CGGBP1: variants seen among roughly 807,000 people sequenced by gnomAD.
CGGBP1 encodes CGG triplet repeat binding protein 1.
A neutral mutation model predicts 11.4 loss-of-function variants in CGGBP1; 4 were observed. The ratio of observed to expected loss-of-function variants is 0.35; its 90% confidence interval spans 0.17 to 0.80. The LOEUF (loss-of-function observed/expected upper bound fraction) is 0.80, where lower values mean the gene tolerates loss of function less well. Among genes scored for constraint, CGGBP1 ranks in the 30% least tolerant of loss-of-function variants. The probability of loss-of-function intolerance (pLI) is 0.52; values close to 1 mark genes in which losing one functional copy is unlikely to be tolerated. For missense variants in CGGBP1, 135 were observed against 202.1 expected (o/e 0.67, Z 2.01); for synonymous variants, 76 against 74.1 (o/e 1.03, Z -0.13).
At chr3:88,145,753 G>A (rs1707301522) in intron 1 of CGGBP1, among the ~76,000 whole-genome samples, 1 of 152,140 alleles carries the variant, frequency 6.6e-6, no homozygotes, top group Non-Finnish European at 1.5e-5. Context: ...AAAGTTTCAT[G>A]CCTTATTGAT....
intron 2 of CGGBP1, among the ~76,000 whole-genome samples, chr3:88,102,167 T>C (rs1352595150): frequency 6.6e-6 from 1 of 152,158 alleles, no homozygotes; most frequent in Non-Finnish European, 1.5e-5. Flanking sequence ...GTAATGTGTT[T>C]TGTGTAGTTT....
chr3:88,070,582 TTTTTTTTG>T (rs1707455816), intron 2 of CGGBP1, among the ~76,000 whole-genome samples: 1 of 59,504 alleles, frequency 1.7e-5, no homozygotes, highest in African/African-American at 3.9e-5. Context: ...TTTTTTTTTT[TTTTTTTTG>T]CAGATCATAT....
chr3:88,112,702 C>T lies in CGGBP1; in HGVS notation c.-229+28268G>A, dbSNP rs565019698. 6.6e-5 allele frequency among the ~76,000 whole-genome samples: 10 copies of T among 151,942 alleles called. No individual in the cohort carries two copies. In the East Asian group the frequency reaches 1.9e-3, roughly 29 times the overall value. On this transcript the variant is annotated intron_variant, in intron 2 of 3. Coordinates refer to the CGGBP1 transcript ENST00000462901. ...GTTTTTGTGTTAATTTTATTCAACT[C>T]TTGTATCACCCTGAAAAAAATGAGA...
Position 88,055,604 on chromosome 3 carries a change from C to T in CGGBP1, c.373G>A (p.Ala125Thr), listed in dbSNP as rs375999163. ...TGGCGAGATAGGAAAGCACGGACTG[C>T]TGGGTGATCAGCCTTCTCAAGTGGG... ...NIPLEKADHP[A>T]VRAFLSRHVK... The change falls in exon 4 of 4, where the codon GCA becomes ACA. Residue 125 changes from alanine to threonine, a missense_variant. Physicochemically the swap from Ala to Thr is moderately conservative, Grantham distance 58. Transcript: ENST00000482016. The surrounding 1 kb of genome is among the most constrained non-coding windows in gnomAD (Gnocchi z 4.2). 11 of 1,613,964 alleles carry T rather than the reference C, an allele frequency of 6.8e-6. No individual in the cohort carries two copies. Among genetic ancestry groups the T allele is most frequent in the African/African-American group, 1.3e-5 (1 of 74,924 alleles).
At chr3:88,064,876 T>C (rs559922423) in intron 2 of CGGBP1, among the ~76,000 whole-genome samples, 1 of 152,352 alleles carries the variant, frequency 6.6e-6, no homozygotes, top group African/African-American at 2.4e-5. Context: ...AATAATAATA[T>C]GAAAGATGAA....
rs1333116142 is a variant in CGGBP1 at position 88,113,754 on chromosome 3, C to G, written c.-229+27216G>C. 1.3e-5 allele frequency among the ~76,000 whole-genome samples: 2 copies of G among 152,030 alleles called. 1 individual carries two copies. Among genetic ancestry groups the G allele is most frequent in the Non-Finnish European group, 2.9e-5 (2 of 68,018 alleles). ...ACTCGGTGAAGTAAAGGAAGATGTA[C>G]TTTGAGCTCCCCCTAGGGGTGAAGT... On this transcript the variant is annotated intron_variant, in intron 2 of 3. Transcript: ENST00000462901.
intron 2 of CGGBP1, among the ~76,000 whole-genome samples, chr3:88,119,448 C>T (rs9838907): frequency 0.79 from 103,669 of 130,724 alleles, 42,110 homozygotes; most frequent in South Asian, 0.92. Context: ...TGCTAGATGA[C>T]GAGTTAGTGG....
At chr3:88,113,301 G>T in intron 2 of CGGBP1, 1 of 613,120 alleles carries the variant, frequency 1.6e-6, no homozygotes, top group Non-Finnish European at 2.7e-6. Context: ...AGTTTTTAAT[G>T]ATTGCTAAGG....
chr3:88,108,633 A>G (rs903095331), intron 2 of CGGBP1, among the ~76,000 whole-genome samples: 13 of 152,154 alleles, frequency 8.5e-5, no homozygotes, highest in Non-Finnish European at 1.9e-4. Flanking sequence ...TGTATACGCT[A>G]CCTGCCCATT....
In CGGBP1 at chr3:88,125,784, G is replaced by A. The variant is rs1442650747; in HGVS notation, c.-229+15186C>T. 2.0e-5 allele frequency among the ~76,000 whole-genome samples: 3 copies of A among 152,106 alleles called. No individual in the cohort carries two copies. The East Asian group carries it at 5.8e-4, about 29-fold the overall frequency. ...TCTTATCAGGCTCTTGCCTGCCATT[G>A]TTAAGAGAAATTTTATGAACCTTTA... On this transcript the variant is annotated intron_variant, in intron 2 of 3. Coordinates refer to the CGGBP1 transcript ENST00000462901.
rs546515287 is a variant in CGGBP1 at position 88,124,783 on chromosome 3, T to C, written c.-229+16187A>G. On this transcript the variant is annotated intron_variant, in intron 2 of 3. Coordinates refer to the CGGBP1 transcript ENST00000462901. ...ATGTACAATACTCAGTTTTTTTTTT[T>C]TCAACATTGCCAGTTTCTACATCTA... 2.6e-5 allele frequency among the ~76,000 whole-genome samples: 4 copies of C among 151,102 alleles called. No homozygotes were observed. In the East Asian group the frequency reaches 7.7e-4, roughly 29 times the overall value.
At chr3:88,065,952 C>T (rs1576185260) in intron 2 of CGGBP1, among the ~76,000 whole-genome samples, 1 of 152,304 alleles carries the variant, frequency 6.6e-6, no homozygotes, top group South Asian at 2.1e-4. Context: ...GCAGGCTGGT[C>T]TTAACTCCTG....
intron 2 of CGGBP1, among the ~76,000 whole-genome samples, chr3:88,090,460 A>T (rs1389298442): frequency 1.3e-5 from 2 of 152,192 alleles, no homozygotes; most frequent in African/African-American, 4.8e-5. Context: ...ATATTTTTAT[A>T]CAGCTGTACA....
In CGGBP1 at chr3:88,091,876, A is replaced by AT. The variant is rs554888660; in HGVS notation, c.-228-33654_-228-33653insA. 4.7e-4 allele frequency among the ~76,000 whole-genome samples: 72 copies of AT among 152,222 alleles called. 2 individuals are homozygous for AT. The East Asian group carries it at 7.5e-3, about 16-fold the overall frequency. On this transcript the variant is annotated intron_variant, in intron 2 of 3. Transcript: ENST00000462901. ...GCCATGTAGAACTGTGAGTCCATTAAACCTCTTTTTCTTCATAAATGACCC... is the reference window on the plus strand; with the variant it reads ...GCCATGTAGAACTGTGAGTCCATTAATACCTCTTTTTCTTCATAAATGACCC...
chr3:88,075,950 T>A (rs1707779393), intron 2 of CGGBP1, among the ~76,000 whole-genome samples: 2 of 152,168 alleles, frequency 1.3e-5, no homozygotes, highest in South Asian at 4.1e-4. Flanking sequence ...CCTCTTAACT[T>A]TGTTTCTCTT....
rs555321113 is a variant in CGGBP1 at position 88,079,761 on chromosome 3, T to C, written c.-228-21538A>G. Among the ~76,000 whole-genome samples the C allele has an allele frequency of 3.9e-5, 6 of 152,194 alleles. No individual in the cohort carries two copies. The East Asian group carries it at 9.6e-4, about 24-fold the overall frequency. On this transcript the variant is annotated intron_variant, in intron 2 of 3. Coordinates refer to the CGGBP1 transcript ENST00000462901. ...TCCATTTTGAAAAGATTCTGTCTTA[T>C]TACATTTACAGAACCTATCAAATAC...
chr3:88,101,487 T>C (rs1002583519), intron 2 of CGGBP1, among the ~76,000 whole-genome samples: 2 of 152,204 alleles, frequency 1.3e-5, no homozygotes, highest in African/African-American at 4.8e-5. Context: ...CTTAGAATAA[T>C]GTTCTTGAGG....
chr3:88,140,786 T>C, intron 2 of CGGBP1: 1 of 1,613,756 alleles, frequency 6.2e-7, no homozygotes, highest in East Asian at 2.2e-5. Flanking sequence ...ATACTTCATA[T>C]GGCTTAATTT....
At chr3:88,139,987 C>A (rs1350276550) in intron 2 of CGGBP1, 5 of 1,613,616 alleles carry the variant, frequency 3.1e-6, no homozygotes, top group Non-Finnish European at 4.2e-6. Context: ...GTACATCCAA[C>A]CGATTTAAAT....
Sources: allele counts gnomAD v4.1 joint callset (sites outside exome capture counted in the v4.1 genomes callset), GRCh38; gene constraint gnomAD v4.1.1; non-coding constraint Gnocchi (gnomAD v3.1); transcripts MANE v1.5; gene names NCBI Gene and HGNC (gene_info 2026-07-23, HGNC 2026-07-21).